The following AXDND1 variants were observed in gnomAD, a reference collection of about 807,000 sequenced individuals.
AXDND1 encodes the protein axonemal dynein light chain domain-containing protein 1.
Under a neutral mutation model 137.5 loss-of-function variants are expected in AXDND1, and 110 were observed. That is an observed-to-expected ratio of 0.80 (90% CI 0.69 to 0.94). The LOEUF is 0.94. AXDND1 is among the 40% of genes least tolerant of loss of function. The pLI is 0.00. For missense variants in AXDND1, 1,191 were observed against 1,169.8 expected (o/e 1.02, Z -0.26); for synonymous variants, 414 against 399.7 (o/e 1.04, Z -0.43).
Position 179,543,327 on chromosome 1 carries a change from G to C in AXDND1, c.3031+8365G>C, listed in dbSNP as rs192164190. ...CAAAGATGAATATGGCTTAGTCCTG[G>C]ATCTCAGTGGGGTCTACAGTTGGGT... On this transcript the variant is annotated intron_variant, in intron 25 of 25. Transcript: ENST00000367618. 4.6e-5 allele frequency: 7 copies of C among 152,328 alleles called. No homozygotes were observed. The East Asian group carries it at 1.3e-3, about 29-fold the overall frequency. 9.4% of individuals were successfully genotyped at this position (152,328 alleles called of 1,614,324 possible).
intron 23 of AXDND1, among the ~76,000 whole-genome samples, chr1:179,529,984 G>A (rs1670901666): frequency 6.6e-6 from 1 of 152,158 alleles, no homozygotes; most frequent in Admixed American, 6.5e-5. Context: ...CTAAGACTGT[G>A]AGGCAAATAT....
chr1:179,385,131 TAATC>T, intron 8 of AXDND1, 103 bp from the exon 9 acceptor site: 1 of 910,368 alleles, frequency 1.1e-6, no homozygotes, highest in South Asian at 1.7e-5. Context: ...TGAAATAAAT[TAATC>T]AACGTGTTTC....
At chr1:179,508,811 A>G (rs1668767627) in intron 20 of AXDND1, among the ~76,000 whole-genome samples, 1 of 152,182 alleles carries the variant, frequency 6.6e-6, no homozygotes, top group South Asian at 2.1e-4. Context: ...TTAACTACTC[A>G]ATTTCTCAGT....
intron 23 of AXDND1, among the ~76,000 whole-genome samples, chr1:179,533,505 C>A (rs1419219590): frequency 1.3e-5 from 2 of 151,784 alleles, no homozygotes; most frequent in South Asian, 4.2e-4. Flanking sequence ...TTTTTTATTT[C>A]TCTGTTTCTT....
intron 25 of AXDND1, 54 bp downstream of exon 25, chr1:179,535,016 TTGAC>T (rs768907199): frequency 6.2e-6 from 10 of 1,604,720 alleles, no homozygotes; most frequent in Middle Eastern, 1.7e-4. Context: ...GAAAGAAAAT[TTGAC>T]TGGGCCACAA....
chr1:179,504,327 T>C (rs1479591964), intron 20 of AXDND1, among the ~76,000 whole-genome samples: 1 of 152,148 alleles, frequency 6.6e-6, no homozygotes, highest in Non-Finnish European at 1.5e-5. Context: ...CCTTCTTCTG[T>C]CCACCCCAGG....
chr1:179,538,597 G>A (rs1034184451), intron 25 of AXDND1, among the ~76,000 whole-genome samples: 8 of 152,156 alleles, frequency 5.3e-5, no homozygotes, highest in Non-Finnish European at 1.2e-4. Context: ...TTGCTGAGGA[G>A]TGTTTTACTT....
intron 10 of AXDND1, 45 bp from the exon 11 acceptor site, chr1:179,395,053 G>C: frequency 1.3e-6 from 2 of 1,531,480 alleles, no homozygotes; most frequent in Middle Eastern, 1.8e-4. Context: ...GAAACTTTTT[G>C]GAAATCTCCA....
At chr1:179,418,514 C>A (rs565579535) in intron 12 of AXDND1, among the ~76,000 whole-genome samples, 6,937 of 152,292 alleles carry the variant, frequency 0.046, 230 homozygotes, top group Non-Finnish European at 0.069. Flanking sequence ...GTACACCTCC[C>A]AGACGGGGTG....
At chr1:179,438,335 C>T (rs1268191964) in intron 15 of AXDND1, among the ~76,000 whole-genome samples, 2 of 152,166 alleles carry the variant, frequency 1.3e-5, no homozygotes, top group Admixed American at 1.3e-4. Flanking sequence ...CAACTGCAAG[C>T]TTTGTACTTG....
intron 20 of AXDND1, among the ~76,000 whole-genome samples, chr1:179,505,091 C>T (rs1413998152): frequency 6.8e-6 from 1 of 147,238 alleles, no homozygotes; most frequent in East Asian, 2.0e-4. Context: ...CTGATCTAGA[C>T]AAACCTCTAT....
At chr1:179,366,352 A>G in intron 1 of AXDND1, 52 bp from the exon 2 acceptor site, 2 of 577,260 alleles carry the variant, frequency 3.5e-6, no homozygotes, top group East Asian at 3.0e-5. Flanking sequence ...CTAAGTACTC[A>G]ATAGTTGTCA....
chr1:179,539,760 C>T (rs1048919241), intron 25 of AXDND1, among the ~76,000 whole-genome samples: 3 of 152,130 alleles, frequency 2.0e-5, no homozygotes, highest in African/African-American at 7.2e-5. Context: ...GGGAAGTTCT[C>T]CTGGATAATA....
rs368073325 is a variant in AXDND1 at position 179,390,558 on chromosome 1, ATGT to A, written c.864-3341_864-3339del. On this transcript the variant is annotated intron_variant, in intron 9 of 25. Transcript: ENST00000367618. The stretch of plus-strand genomic sequence containing the variant: ...ACTATACGTTAAGTCATGCTGTTAG[ATGT>A]TGTAAAAATACAAATATGTAAGACA... Among the ~76,000 whole-genome samples the A allele has an allele frequency of 3.1e-3, 465 of 152,370 alleles. 3 individuals are homozygous for A. The highest frequency in any genetic ancestry group is 0.01 in the African/African-American group (429 of 41,596).
intron 15 of AXDND1, among the ~76,000 whole-genome samples, chr1:179,442,007 C>T (rs899487406): frequency 6.6e-6 from 1 of 152,216 alleles, no homozygotes; most frequent in Non-Finnish European, 1.5e-5. Context: ...ATCACACTTA[C>T]TTTTAATTCC....
chr1:179,427,953 TAAA>T (rs10548259), intron 12 of AXDND1, among the ~76,000 whole-genome samples: 3,101 of 144,106 alleles, frequency 0.022, 107 homozygotes, highest in African/African-American at 0.072. Flanking sequence ...GCAATCCATG[TAAA>T]AAAAAAAAAA....
chr1:179,554,581 G>C lies in AXDND1; in HGVS notation c.*62G>C. 1.2e-6 allele frequency: 2 copies of C among 1,612,912 alleles called. No homozygotes were observed. Among genetic ancestry groups the C allele is most frequent in the African/African-American group, 2.7e-5 (2 of 75,006 alleles). Reference sequence around the variant, plus strand: ...CAGTGGGAGCCTCCAGGTGGGAGGAGAGCATGCCTAAACCCTGGTGGCCAT... The same window carrying C: ...CAGTGGGAGCCTCCAGGTGGGAGGACAGCATGCCTAAACCCTGGTGGCCAT... On this transcript the variant is annotated 3_prime_UTR_variant, in exon 26 of 26. Transcript: ENST00000367618.
intron 12 of AXDND1, among the ~76,000 whole-genome samples, chr1:179,423,298 C>A (rs1405347257): frequency 6.6e-6 from 1 of 151,034 alleles, no homozygotes; most frequent in Non-Finnish European, 1.5e-5. Context: ...ATATATTTTT[C>A]TACCCATAAA....
chr1:179,486,411 A>G (rs1666088446), intron 18 of AXDND1, among the ~76,000 whole-genome samples: 1 of 152,218 alleles, frequency 6.6e-6, no homozygotes, highest in African/African-American at 2.4e-5. Context: ...ATATTTCAGG[A>G]TATCATCCAT....
Sources: allele counts gnomAD v4.1 joint callset (sites outside exome capture counted in the v4.1 genomes callset), GRCh38; gene constraint gnomAD v4.1.1; transcripts MANE v1.5; gene names NCBI Gene and HGNC (gene_info 2026-07-23, HGNC 2026-07-21).